Variants in DNAJC11 observed in about 807,000 individuals in gnomAD.
DNAJC11 encodes DnaJ heat shock protein family (Hsp40) member C11, also known as dnaJ homolog subfamily C member 11.
Under a neutral mutation model 78.6 loss-of-function variants are expected in DNAJC11, and 15 were observed. That is an observed-to-expected ratio of 0.19 (90% CI 0.13 to 0.29). DNAJC11 has a LOEUF of 0.29. Among genes scored for constraint, DNAJC11 ranks in the 10% least tolerant of loss-of-function variants. The pLI is 1.00. For synonymous variants in DNAJC11, 292 were observed against 272.1 expected, an observed-to-expected ratio of 1.07 and a Z score of -0.72; for missense variants, 547 against 709.6, an observed-to-expected ratio of 0.77 and a Z score of 2.60.
chr1:6,677,859 G>A (rs1000635552), intron 3 of DNAJC11, among the ~76,000 whole-genome samples: 1 of 152,160 alleles, frequency 6.6e-6, no homozygotes, highest in African/African-American at 2.4e-5. Flanking sequence ...GACAAAGCTT[G>A]AATATTATAA....
At chr1:6,654,510 C>A (rs1428349438) in intron 4 of DNAJC11, among the ~76,000 whole-genome samples, 1 of 152,090 alleles carries the variant, frequency 6.6e-6, no homozygotes, top group Non-Finnish European at 1.5e-5. Flanking sequence ...AAATTATGAA[C>A]AAATGGGAGA....
At position 6,695,767 on chromosome 1, in the gene DNAJC11, C is replaced by T. The variant is rs79205260; in HGVS notation, c.72+5962G>A. ...AGGTTGCAGTGAGCTGAGATTGCGC[C>T]ATTGCACTCCAGCCAGGGTGACAGT... On this transcript the variant is annotated intron_variant, in intron 1 of 15. Coordinates refer to ENST00000377577, the MANE Select transcript of DNAJC11 (RefSeq NM_018198.4). Among the ~76,000 whole-genome samples the T allele has an allele frequency of 5.8e-3, 865 of 149,718 alleles. 3 individuals are homozygous for T. Among genetic ancestry groups the T allele is most frequent in the Middle Eastern group, 0.028 (8 of 286 alleles).
intron 1 of DNAJC11, among the ~76,000 whole-genome samples, chr1:6,696,479 G>T (rs1642837908): frequency 6.6e-6 from 1 of 152,148 alleles, no homozygotes; most frequent in Non-Finnish European, 1.5e-5. Context: ...GTGACCAGGG[G>T]ACCTTCCTCT....
At chr1:6,677,895 C>T (rs975977068) in intron 3 of DNAJC11, among the ~76,000 whole-genome samples, 23 of 152,216 alleles carry the variant, frequency 1.5e-4, no homozygotes, top group African/African-American at 5.3e-4. Context: ...AGGGTCATTA[C>T]AGGCAATGCA....
At chr1:6,692,576 T>A (rs1642762730) in intron 1 of DNAJC11, among the ~76,000 whole-genome samples, 2 of 151,646 alleles carry the variant, frequency 1.3e-5, no homozygotes, top group Non-Finnish European at 2.9e-5. Flanking sequence ...ACAAACTCAG[T>A]GTTTTGAACA....
Position 6,652,491 on chromosome 1 carries a change from C to T in DNAJC11, c.630+338G>A, listed in dbSNP as rs529772944. Among the ~76,000 whole-genome samples the T allele has an allele frequency of 1.1e-4, 16 of 152,248 alleles. 1 individual carries two copies. Among genetic ancestry groups the T allele is most frequent in the South Asian group, 1.0e-3 (5 of 4,820 alleles). The stretch of plus-strand genomic sequence containing the variant: ...TGTCCCCCAGACTGGAGTGCAACGG[C>T]GCGATCTTGACTCGCTGCAACCTCT... On this transcript the variant is annotated intron_variant, in intron 6 of 15. Coordinates refer to ENST00000377577, the MANE Select transcript of DNAJC11 (RefSeq NM_018198.4).
chr1:6,695,627 TA>T (rs70984004), intron 1 of DNAJC11, among the ~76,000 whole-genome samples: 10 of 83,002 alleles, frequency 1.2e-4, no homozygotes, highest in South Asian at 1.0e-3. Context: ...CTATCTCTAC[TA>T]AAAAAAAAAA....
chr1:6,659,071 A>G (rs1038670747), intron 4 of DNAJC11, among the ~76,000 whole-genome samples: 1 of 152,262 alleles, frequency 6.6e-6, no homozygotes, highest in African/African-American at 2.4e-5. Flanking sequence ...AGTGGATCAA[A>G]GCAGTTTCCA....
At chr1:6,699,671 T>C (rs528718521) in intron 1 of DNAJC11, among the ~76,000 whole-genome samples, 1 of 152,148 alleles carries the variant, frequency 6.6e-6, no homozygotes, top group East Asian at 1.9e-4. Context: ...GGTTGATGGG[T>C]GCAGCAAACC....
rs369236306 is a variant in DNAJC11, at chr1:6,680,899, T to G, written c.202+9A>C. On this transcript the variant is annotated intron_variant, in intron 2 of 15. Coordinates refer to ENST00000377577, the MANE Select transcript of DNAJC11 (RefSeq NM_018198.4). The surrounding 1 kb of genome is among the most constrained non-coding windows in gnomAD (Gnocchi z 4.0). ...AGGATGTTTCTACAAAGTCCGGCCC[T>G]CCACTGACCTTCATAAGCCTGGTGA... 4 of 1,612,064 alleles carry G rather than the reference T, an allele frequency of 2.5e-6. No homozygotes were observed. The African/African-American group carries it at 4.0e-5, about 16-fold the overall frequency.
intron 4 of DNAJC11, among the ~76,000 whole-genome samples, chr1:6,660,122 TG>T (rs1360140088): frequency 6.6e-6 from 1 of 150,844 alleles, no homozygotes; most frequent in African/African-American, 2.4e-5. Flanking sequence ...CTTCGCTTTA[TG>T]TACCCCCCAC....
chr1:6,643,712 C>T (rs1286268749), intron 10 of DNAJC11, among the ~76,000 whole-genome samples: 5 of 152,046 alleles, frequency 3.3e-5, no homozygotes, highest in Non-Finnish European at 5.9e-5. Flanking sequence ...ATGCTGTGCC[C>T]GGGGGATAGC....
chr1:6,683,119 C>A (rs976517443), intron 1 of DNAJC11, among the ~76,000 whole-genome samples: 23 of 152,104 alleles, frequency 1.5e-4, no homozygotes, highest in African/African-American at 5.3e-4. Flanking sequence ...TTGGTGAGAC[C>A]CCACTCCGCG....
At chr1:6,667,979 G>C (rs1184901196) in intron 3 of DNAJC11, 169 bp from the exon 4 acceptor site, 12 of 637,166 alleles carry the variant, frequency 1.9e-5, no homozygotes, top group Non-Finnish European at 3.4e-5. Flanking sequence ...CGATGGCTCA[G>C]GCCTGGGTGA....
rs1290785610 is a variant in DNAJC11 at position 6,678,487 on chromosome 1, CAT to C, written c.203-22_203-21del. On this transcript the variant is annotated intron_variant, in intron 2 of 15. Transcript: ENST00000377577. ...TAAGCACTGCAAATTAAAAATTAAA[CAT>C]GTTTATAAAATACAAAATTCACCTT... 2.5e-6 allele frequency: 4 copies of C among 1,603,762 alleles called. No individual in the cohort carries two copies. Among genetic ancestry groups the C allele is most frequent in the African/African-American group, 1.3e-5 (1 of 74,358 alleles).
In DNAJC11 at chr1:6,676,991, T is replaced by C. The variant is rs532453049; in HGVS notation, c.276+1403A>G. ...GAGTTCGAGACCAGCCTGACCAACATGGAGAAACCCTGTCTCTACTACAAA... is the reference window on the plus strand; with the variant it reads ...GAGTTCGAGACCAGCCTGACCAACACGGAGAAACCCTGTCTCTACTACAAA... On this transcript the variant is annotated intron_variant, in intron 3 of 15. Coordinates refer to ENST00000377577, the MANE Select transcript of DNAJC11 (RefSeq NM_018198.4). 2.5e-3 allele frequency among the ~76,000 whole-genome samples: 382 copies of C among 152,064 alleles called. 1 individual carries two copies. The highest frequency in any genetic ancestry group is 8.8e-3 in the African/African-American group (367 of 41,500).
intron 4 of DNAJC11, among the ~76,000 whole-genome samples, chr1:6,657,680 T>G (rs1327140989): frequency 2.0e-5 from 3 of 152,270 alleles, no homozygotes; most frequent in Admixed American, 2.0e-4. Context: ...AGTCTTGCTC[T>G]GTCGCCTGGG....
rs561980960 is a variant in DNAJC11 at position 6,680,380 on chromosome 1, A to G, written c.202+528T>C. ...TGGTAGTGACTTTAATATTTTATAA[A>G]CAAATATATCACAGAATGTTCTTTC... On this transcript the variant is annotated intron_variant, in intron 2 of 15. Transcript: ENST00000377577. The surrounding 1 kb of genome is among the most constrained non-coding windows in gnomAD (Gnocchi z 4.0). Among the ~76,000 whole-genome samples the G allele has an allele frequency of 1.3e-5, 2 of 152,376 alleles. No individual in the cohort carries two copies. Among genetic ancestry groups the G allele is most frequent in the East Asian group, 3.9e-4 (2 of 5,192 alleles).
Position 6,634,471 on chromosome 1 carries a change from C to A in DNAJC11, c.*1204G>T. 7.6e-7 allele frequency: 1 copy of A among 1,316,786 alleles called. No individual in the cohort carries two copies. Among genetic ancestry groups the A allele is most frequent in the Non-Finnish European group, 1.0e-6 (1 of 996,082 alleles). 81.6% of individuals were successfully genotyped at this position (1,316,786 alleles called of 1,614,324 possible). A position where few individuals can be genotyped will look rare whatever the true frequency, so the allele number is the denominator to read the frequency against. On this transcript the variant is annotated 3_prime_UTR_variant, in exon 16 of 16. Transcript: ENST00000377577. ...GGGGAGGGAGGCCTGACTTCAGCAA[C>A]AGCTGTGGGTGGGCTGGAGGCCGGC...
Sources: allele counts gnomAD v4.1 joint callset (sites outside exome capture counted in the v4.1 genomes callset), GRCh38; gene constraint gnomAD v4.1.1; non-coding constraint Gnocchi (gnomAD v3.1); transcripts MANE v1.5; gene names NCBI Gene and HGNC (gene_info 2026-07-23, HGNC 2026-07-21).